Variants in PRPSAP2 observed in about 807,000 individuals in gnomAD.
PRPSAP2 encodes phosphoribosyl pyrophosphate synthetase associated protein 2.
In PRPSAP2, 24 loss-of-function variants were observed where a neutral mutation model predicts 40.6. That is an observed-to-expected ratio of 0.59 (90% CI 0.43 to 0.83). PRPSAP2 has a LOEUF of 0.83. Ranked by LOEUF, PRPSAP2 falls within the 40% of genes least tolerant of loss-of-function variation. The pLI is 0.00. For synonymous variants in PRPSAP2, 149 were observed against 164.7 expected, an observed-to-expected ratio of 0.90 and a Z score of 0.73; for missense variants, 292 against 465.6, an observed-to-expected ratio of 0.63 and a Z score of 3.43.
At position 18,886,359 on chromosome 17, in the gene PRPSAP2, CT is replaced by C. The variant is rs772700765; in HGVS notation, c.529-3449del. Among the ~76,000 whole-genome samples, 206 of 143,684 alleles carry C rather than the reference CT, an allele frequency of 1.4e-3. 1 individual carries two copies. The highest frequency in any genetic ancestry group is 3.5e-3 in the Middle Eastern group (1 of 282). The allele number at this position is 143,684 out of a possible 152,430, so 94.3% of individuals were successfully genotyped here. On this transcript the variant is annotated intron_variant, in intron 7 of 11. Coordinates refer to ENST00000268835, the MANE Select transcript of PRPSAP2 (RefSeq NM_002767.4). ...TGCCTTGAAATTTTTGCCATCTATA[CT>C]TTTTTTTTTTTTTGAGACGGAGTCT...
At chr17:18,886,356 A>G (rs1163154444) in intron 7 of PRPSAP2, among the ~76,000 whole-genome samples, 1 of 146,596 alleles carries the variant, frequency 6.8e-6, no homozygotes, top group Admixed American at 6.7e-5. Context: ...TTTGCCATCT[A>G]TACTTTTTTT....
chr17:18,891,991 G>A (rs2039573527), intron 8 of PRPSAP2, among the ~76,000 whole-genome samples: 1 of 152,210 alleles, frequency 6.6e-6, no homozygotes, highest in Non-Finnish European at 1.5e-5. Context: ...CAGGTAGCTG[G>A]AATTACAGGT....
upstream of PRPSAP2, among the ~76,000 whole-genome samples, chr17:18,857,198 G>T (rs1597480168): frequency 6.6e-6 from 1 of 151,808 alleles, no homozygotes; most frequent in Admixed American, 6.6e-5. Flanking sequence ...AGTCGGGCGT[G>T]GTGGCGCACA....
At chr17:18,876,036 G>A (rs1380267380) in intron 5 of PRPSAP2, among the ~76,000 whole-genome samples, 2 of 152,176 alleles carry the variant, frequency 1.3e-5, no homozygotes, top group African/African-American at 4.8e-5. Context: ...GGGAGGCTGA[G>A]ACAGGAGAAT....
At chr17:18,896,362 T>C (rs1446429103) in intron 8 of PRPSAP2, among the ~76,000 whole-genome samples, 2 of 152,120 alleles carry the variant, frequency 1.3e-5, no homozygotes, top group Admixed American at 1.3e-4. Flanking sequence ...TCTCCCACTC[T>C]CTTCAAGGTC....
chr17:18,874,232 A>C (rs531344178), intron 5 of PRPSAP2, among the ~76,000 whole-genome samples: 1 of 152,032 alleles, frequency 6.6e-6, no homozygotes, highest in African/African-American at 2.4e-5. Context: ...CCCACTTTCC[A>C]TTGTGTGTTT....
intron 6 of PRPSAP2, among the ~76,000 whole-genome samples, chr17:18,882,309 C>T (rs535824338): frequency 2.4e-4 from 36 of 151,858 alleles, no homozygotes; most frequent in Middle Eastern, 3.4e-3. Context: ...GTCAGGAGTT[C>T]GAGACCAACC....
chr17:18,861,708 A>G (rs1037037), intron 1 of PRPSAP2, among the ~76,000 whole-genome samples: 80,779 of 151,818 alleles, frequency 0.53, 21,770 homozygotes, highest in Middle Eastern at 0.6. Context: ...ACCATGAGAG[A>G]TAAGGAAAGA....
intron 8 of PRPSAP2, among the ~76,000 whole-genome samples, chr17:18,905,870 A>G (rs2040555579): frequency 6.6e-6 from 1 of 152,214 alleles, no homozygotes; most frequent in East Asian, 1.9e-4. Context: ...GGCGTGAGCC[A>G]CTGCTCCTGG....
At chr17:18,888,069 A>AAGT (rs1380392036) in intron 7 of PRPSAP2, among the ~76,000 whole-genome samples, 1 of 51,302 alleles carries the variant, frequency 1.9e-5, no homozygotes, top group East Asian at 3.2e-4. Context: ...TGCTGCCTTC[A>AAGT]AGTATCTGTT....
At position 18,929,094 on chromosome 17, in the gene PRPSAP2, C is replaced by T. The variant is rs768936386; in HGVS notation, c.951+137C>T. The T allele has an allele frequency of 1.6e-5, 21 of 1,297,400 alleles. 1 individual carries two copies. The highest frequency in any genetic ancestry group is 8.6e-5 in the South Asian group (6 of 69,520). 80.4% of individuals were successfully genotyped at this position (1,297,400 alleles called of 1,614,324 possible). A position where few individuals can be genotyped will look rare whatever the true frequency, so the allele number is the denominator to read the frequency against. On this transcript the variant is annotated intron_variant, in intron 11 of 11. Transcript: ENST00000268835. Reference sequence around the variant, plus strand: ...TTCAAGGGCTGGGTGCAGTGGTTCACGCCTGTAATCCCAGCACTTTGGGAG... The same window carrying T: ...TTCAAGGGCTGGGTGCAGTGGTTCATGCCTGTAATCCCAGCACTTTGGGAG...
chr17:18,864,619 GT>G (rs2037297930), intron 1 of PRPSAP2, among the ~76,000 whole-genome samples: 2 of 152,066 alleles, frequency 1.3e-5, no homozygotes, highest in African/African-American at 4.8e-5. Flanking sequence ...GGGAGGATGT[GT>G]TTGTGTTTTA....
At chr17:18,916,872 A>G (rs1194723287) in intron 9 of PRPSAP2, among the ~76,000 whole-genome samples, 1 of 152,180 alleles carries the variant, frequency 6.6e-6, no homozygotes, top group Non-Finnish European at 1.5e-5. Context: ...AATCCTGTTC[A>G]TGAAGGCAGA....
At chr17:18,877,917 T>C in intron 6 of PRPSAP2, 47 bp downstream of exon 6, 1 of 1,513,440 alleles carries the variant, frequency 6.6e-7, no homozygotes, top group Non-Finnish European at 9.0e-7. Context: ...CTGGGAGTTT[T>C]ATTTATTTAT....
intron 4 of PRPSAP2, among the ~76,000 whole-genome samples, chr17:18,871,818 G>A (rs2037903766): frequency 2.0e-5 from 3 of 151,936 alleles, no homozygotes; most frequent in South Asian, 4.1e-4. Flanking sequence ...GCACCACCAC[G>A]CCTGGCTAAT....
intron 8 of PRPSAP2, among the ~76,000 whole-genome samples, chr17:18,903,122 A>G (rs1372716470): frequency 6.6e-6 from 1 of 151,842 alleles, no homozygotes; most frequent in Admixed American, 6.6e-5. Flanking sequence ...CATAGATCAT[A>G]CTACATTAAA....
chr17:18,915,127 C>T (rs2041230885), intron 9 of PRPSAP2, among the ~76,000 whole-genome samples: 2 of 150,608 alleles, frequency 1.3e-5, no homozygotes, highest in African/African-American at 2.4e-5. Context: ...TGGGCTCAAT[C>T]GATCCTCCCA....
At chr17:18,873,804 G>A (rs966989440) in intron 5 of PRPSAP2, among the ~76,000 whole-genome samples, 2 of 152,126 alleles carry the variant, frequency 1.3e-5, no homozygotes, top group African/African-American at 4.8e-5. Context: ...AAATTGTTTG[G>A]TCACATATGT....
chr17:18,869,788 CATT>C (rs1214965853), intron 4 of PRPSAP2, among the ~76,000 whole-genome samples: 2 of 67,914 alleles, frequency 2.9e-5, no homozygotes, highest in African/African-American at 1.3e-4. Context: ...TTTTTTCCAA[CATT>C]TTTTTTTTTC....
Sources: gnomAD v4.1 joint callset for allele counts (sites outside exome capture counted in the v4.1 genomes callset) on GRCh38, gnomAD v4.1.1 for gene constraint, MANE v1.5 for transcripts, NCBI Gene and HGNC (gene_info 2026-07-23, HGNC 2026-07-21) for gene names.